Variants in LYPD6B observed in about 807,000 individuals in gnomAD.
LYPD6B encodes ly6/PLAUR domain-containing protein 6B.
A neutral mutation model predicts 22.8 loss-of-function variants in LYPD6B; 17 were observed. That is an observed-to-expected ratio of 0.75 (90% CI 0.51 to 1.12). The LOEUF is 1.12. Ranked by LOEUF, LYPD6B falls within the 50% of genes most tolerant of loss-of-function variation. LYPD6B has a pLI of 0.00. For synonymous variants in LYPD6B, 106 were observed against 91.6 expected, an observed-to-expected ratio of 1.16 and a Z score of -0.90; for missense variants, 221 against 258.3, an observed-to-expected ratio of 0.86 and a Z score of 0.99.
intron 1 of LYPD6B, among the ~76,000 whole-genome samples, chr2:149,095,013 C>T (rs1053631894): frequency 1.3e-5 from 2 of 151,982 alleles, no homozygotes; most frequent in Admixed American, 6.6e-5. Context: ...TAAAGGTGGC[C>T]GGGAGTGGTG....
At chr2:149,065,087 T>C (rs947782956) in intron 1 of LYPD6B, among the ~76,000 whole-genome samples, 2 of 152,168 alleles carry the variant, frequency 1.3e-5, no homozygotes, top group African/African-American at 2.4e-5. Context: ...GCCTGAACTG[T>C]TTTGAAGTTC....
At chr2:149,078,238 C>T (rs890472242) in intron 1 of LYPD6B, among the ~76,000 whole-genome samples, 1 of 152,190 alleles carries the variant, frequency 6.6e-6, no homozygotes, top group Non-Finnish European at 1.5e-5. Flanking sequence ...GAGAAGGCAC[C>T]ATGACCTCTG....
chr2:149,145,163 T>G (rs1303129393), intron 2 of LYPD6B, among the ~76,000 whole-genome samples: 1 of 152,122 alleles, frequency 6.6e-6, no homozygotes, highest in African/African-American at 2.4e-5. Context: ...CCACTGATGG[T>G]GGGTTCTGAC....
At chr2:149,157,425 T>A (rs1362077384) in intron 2 of LYPD6B, among the ~76,000 whole-genome samples, 1 of 152,194 alleles carries the variant, frequency 6.6e-6, no homozygotes, top group East Asian at 1.9e-4. Flanking sequence ...ACAAAAGTAG[T>A]GAATGAACTT....
intron 1 of LYPD6B, among the ~76,000 whole-genome samples, chr2:149,047,506 C>T (rs1373933772): frequency 6.6e-6 from 1 of 151,902 alleles, no homozygotes; most frequent in Admixed American, 6.6e-5. Context: ...TCTTTTGCTG[C>T]TTTCAAGATT....
intron 3 of LYPD6B, among the ~76,000 whole-genome samples, chr2:149,174,541 A>G (rs12615986): frequency 0.23 from 34,459 of 152,036 alleles, 4,999 homozygotes; most frequent in East Asian, 0.44. Context: ...GGCTCTTATT[A>G]TTTTGAGATA....
intron 3 of LYPD6B, among the ~76,000 whole-genome samples, chr2:149,198,186 G>A (rs1034398761): frequency 4.6e-5 from 7 of 152,044 alleles, no homozygotes; most frequent in African/African-American, 1.4e-4. Flanking sequence ...GGGATTACAG[G>A]CACGTGCCAC....
At chr2:149,203,111 C>T (rs1184206137) in intron 3 of LYPD6B, among the ~76,000 whole-genome samples, 1 of 152,112 alleles carries the variant, frequency 6.6e-6, no homozygotes, top group Non-Finnish European at 1.5e-5. Context: ...TGCTTAGCTT[C>T]CCTATGCACT....
At chr2:149,187,359 A>G in intron 3 of LYPD6B, 1 of 1,400,180 alleles carries the variant, frequency 7.1e-7, no homozygotes, top group Middle Eastern at 1.9e-4. Flanking sequence ...AATGGCTATC[A>G]TTTCTGAGCC....
intron 1 of LYPD6B, among the ~76,000 whole-genome samples, chr2:149,106,220 T>C (rs1686464788): frequency 6.6e-6 from 1 of 152,174 alleles, no homozygotes; most frequent in Admixed American, 6.6e-5. Context: ...TGCATCTATG[T>C]TCATGAGGAA....
intron 1 of LYPD6B, among the ~76,000 whole-genome samples, chr2:149,053,356 C>A (rs1683649972): frequency 1.3e-5 from 2 of 152,134 alleles, no homozygotes; most frequent in African/African-American, 2.4e-5. Context: ...TTCATTGTAC[C>A]TTTAGGATAT....
Position 149,205,245 on chromosome 2 carries a change from C to A in LYPD6B, c.78-8C>A, listed in dbSNP as rs1693432269. 1 of 1,597,732 alleles carries A rather than the reference C, an allele frequency of 6.3e-7. No homozygotes were observed. The highest frequency in any genetic ancestry group is 1.8e-5 in the Admixed American group (1 of 55,172). On this transcript the variant is annotated splice_region_variant and splice_polypyrimidine_tract_variant and intron_variant, in intron 3 of 6. Coordinates refer to ENST00000409642, the MANE Select transcript of LYPD6B (RefSeq NM_177964.5). ...AAGAAACTGAACCAGTGTGTCTTTT[C>A]ACCATAGATATAAGAGTTCGGACCG...
At chr2:149,203,905 G>A (rs1236377379) in intron 3 of LYPD6B, among the ~76,000 whole-genome samples, 1 of 152,240 alleles carries the variant, frequency 6.6e-6, no homozygotes, top group Non-Finnish European at 1.5e-5. Flanking sequence ...CCCACAATAA[G>A]AGAGGGAAGA....
chr2:149,174,910 C>T (rs1252578643), intron 3 of LYPD6B, among the ~76,000 whole-genome samples: 2 of 151,966 alleles, frequency 1.3e-5, no homozygotes, highest in Non-Finnish European at 2.9e-5. Flanking sequence ...CAAACCTGCA[C>T]ATCCTGCACA....
chr2:149,128,989 C>T (rs1355690494), intron 1 of LYPD6B, among the ~76,000 whole-genome samples: 1 of 152,206 alleles, frequency 6.6e-6, no homozygotes, highest in Non-Finnish European at 1.5e-5. Flanking sequence ...ACCTGGGGAA[C>T]CTCATCTCTT....
intron 1 of LYPD6B, among the ~76,000 whole-genome samples, chr2:149,059,264 A>G (rs2105314752): frequency 6.6e-6 from 1 of 152,302 alleles, no homozygotes; most frequent in South Asian, 2.1e-4. Context: ...TTCACTCCTT[A>G]ATAATGTACA....
intron 4 of LYPD6B, among the ~76,000 whole-genome samples, chr2:149,206,997 C>T (rs1575180947): frequency 6.6e-6 from 1 of 152,068 alleles, no homozygotes; most frequent in Non-Finnish European, 1.5e-5. Flanking sequence ...TTTAAATTCA[C>T]TATTTCTTCA....
At chr2:149,081,914 A>C (rs1313984442) in intron 1 of LYPD6B, among the ~76,000 whole-genome samples, 1 of 152,154 alleles carries the variant, frequency 6.6e-6, no homozygotes, top group African/African-American at 2.4e-5. Flanking sequence ...GTGAGAGTTC[A>C]TTTATCCCAA....
chr2:149,059,732 T>G (rs1683984580), intron 1 of LYPD6B, among the ~76,000 whole-genome samples: 1 of 152,154 alleles, frequency 6.6e-6, no homozygotes, highest in Admixed American at 6.5e-5. Flanking sequence ...TCAAGGGGCT[T>G]TCATCCTACT....
Sources: allele counts gnomAD v4.1 joint callset (sites outside exome capture counted in the v4.1 genomes callset), GRCh38; gene constraint gnomAD v4.1.1; transcripts MANE v1.5; gene names NCBI Gene and HGNC (gene_info 2026-07-23, HGNC 2026-07-21).